Variants in CDH2 observed in about 807,000 individuals in gnomAD.
The protein encoded by CDH2 is cadherin-2.
CDH2 carries 17 observed loss-of-function variants against 92.0 expected under a neutral mutation model. The ratio of observed to expected loss-of-function variants is 0.18; its 90% CI spans 0.13 to 0.28. The LOEUF is 0.28. CDH2 is among the 10% of genes least tolerant of loss of function. The pLI, the probability that CDH2 is intolerant of heterozygous loss-of-function variation, is 1.00. For synonymous variants in CDH2, 419 were observed against 415.9 expected (o/e 1.01, Z -0.09); for missense variants, 862 against 1,133.1 (o/e 0.76, Z 3.44).
At chr18:28,000,920 C>T (rs557093984) in intron 7 of CDH2, among the ~76,000 whole-genome samples, 1 of 152,098 alleles carries the variant, frequency 6.6e-6, no homozygotes, top group Admixed American at 6.5e-5. Flanking sequence ...CAAGTCTGCA[C>T]GAGGCCTGAA....
chr18:28,165,474 G>A (rs2016364316), intron 1 of CDH2, among the ~76,000 whole-genome samples: 1 of 152,130 alleles, frequency 6.6e-6, no homozygotes, highest in Non-Finnish European at 1.5e-5. Context: ...TTACAACTGT[G>A]AGCCATCACA....
At chr18:28,117,181 C>T (rs561640385) in intron 2 of CDH2, among the ~76,000 whole-genome samples, 87 of 152,196 alleles carry the variant, frequency 5.7e-4, no homozygotes, top group African/African-American at 1.9e-3. Context: ...AAGGCATCCA[C>T]TCACATACTT....
At chr18:28,049,886 A>G (rs759388313) in intron 2 of CDH2, among the ~76,000 whole-genome samples, 3 of 152,212 alleles carry the variant, frequency 2.0e-5, no homozygotes, top group Non-Finnish European at 4.4e-5. Context: ...TTCCCATTTC[A>G]TTGATGTTTA....
At chr18:28,007,996 A>G (rs987430252) in intron 5 of CDH2, among the ~76,000 whole-genome samples, 1 of 152,024 alleles carries the variant, frequency 6.6e-6, no homozygotes, top group Admixed American at 6.6e-5. Context: ...GGCCTCCCAA[A>G]TTGCTAGGAT....
At chr18:27,947,918 TAA>T (rs1909316856), downstream of CDH2, among the ~76,000 whole-genome samples, 1 of 151,494 alleles carries the variant, frequency 6.6e-6, no homozygotes, top group Non-Finnish European at 1.5e-5. Context: ...AAAACAGATA[TAA>T]GTGATATAAC....
chr18:28,055,156 G>C (rs896873527), intron 2 of CDH2, among the ~76,000 whole-genome samples: 3 of 152,090 alleles, frequency 2.0e-5, no homozygotes, highest in Non-Finnish European at 2.9e-5. Context: ...GTCTTAAATG[G>C]GGGCAGACAA....
chr18:28,134,266 A>G (rs752187528), intron 2 of CDH2, among the ~76,000 whole-genome samples: 27 of 152,206 alleles, frequency 1.8e-4, no homozygotes, highest in Non-Finnish European at 3.4e-4. Context: ...AAAAAAGAAA[A>G]AAAGAATTTA....
intron 1 of CDH2, among the ~76,000 whole-genome samples, chr18:28,158,389 C>T (rs926197641): frequency 6.6e-6 from 1 of 152,190 alleles, no homozygotes; most frequent in Non-Finnish European, 1.5e-5. Flanking sequence ...GAGCTAATAT[C>T]GTCAGTTCCA....
rs116025250 is a variant in CDH2 at position 28,013,968 on chromosome 18, C to A, written c.173-59G>T. Reference sequence around the variant, plus strand: ...ATTATACCAAAAAGGCAAAAAAAAACCCCTAATACTTAAACCTATATCCTG... The same window carrying A: ...ATTATACCAAAAAGGCAAAAAAAAAACCCTAATACTTAAACCTATATCCTG... On this transcript the variant is annotated intron_variant, in intron 2 of 15. Transcript: ENST00000269141. 2,466 of 1,162,614 alleles carry A rather than the reference C, an allele frequency of 2.1e-3. 46 individuals carry two copies. The African/African-American group carries it at 0.032, about 15-fold the overall frequency. 72.0% of individuals were successfully genotyped at this position (1,162,614 alleles called of 1,614,324 possible).
At chr18:27,998,353 G>T (rs1291032391) in intron 7 of CDH2, among the ~76,000 whole-genome samples, 2 of 152,156 alleles carry the variant, frequency 1.3e-5, no homozygotes, top group Non-Finnish European at 2.9e-5. Context: ...GAGGCAGGTG[G>T]GGTTTTGAAA....
chr18:28,131,653 G>A (rs960561279), intron 2 of CDH2, among the ~76,000 whole-genome samples: 12 of 150,712 alleles, frequency 8.0e-5, no homozygotes, highest in African/African-American at 2.5e-4. Flanking sequence ...AAGGATAAAA[G>A]AGAGAAGATA....
intron 2 of CDH2, among the ~76,000 whole-genome samples, chr18:28,094,872 T>C (rs1051111129): frequency 5.2e-5 from 7 of 134,690 alleles, no homozygotes; most frequent in Non-Finnish European, 1.1e-4. Flanking sequence ...TTCACATTTT[T>C]AAAAAATGAA....
intron 2 of CDH2, among the ~76,000 whole-genome samples, chr18:28,082,816 C>G (rs577858400): frequency 2.0e-5 from 3 of 152,104 alleles, no homozygotes; most frequent in Admixed American, 2.0e-4. Context: ...GCTGTCAATA[C>G]CCACAGACAA....
chr18:28,048,444 G>A (rs1048540329), intron 2 of CDH2, among the ~76,000 whole-genome samples: 3 of 152,114 alleles, frequency 2.0e-5, no homozygotes, highest in African/African-American at 7.2e-5. Flanking sequence ...AAACAACTCT[G>A]CAAAAATGTA....
chr18:27,999,728 G>A (rs481860), intron 7 of CDH2, among the ~76,000 whole-genome samples: 2,166 of 150,900 alleles, frequency 0.014, 65 homozygotes, highest in African/African-American at 0.051. Flanking sequence ...GTGTGTTTGT[G>A]TATATATATA....
intron 1 of CDH2, among the ~76,000 whole-genome samples, chr18:28,171,855 C>T (rs752640929): frequency 5.9e-5 from 9 of 152,080 alleles, no homozygotes; most frequent in Admixed American, 2.0e-4. Flanking sequence ...TACATCTGGA[C>T]GAAATCAGAA....
At chr18:27,968,023 C>G (rs961274649) in intron 14 of CDH2, among the ~76,000 whole-genome samples, 1 of 152,206 alleles carries the variant, frequency 6.6e-6, no homozygotes, top group Admixed American at 6.5e-5. Context: ...AACACTCACT[C>G]ATTTACCATT....
chr18:28,045,672 C>G (rs1252953147), intron 2 of CDH2: 3 of 274,528 alleles, frequency 1.1e-5, no homozygotes, highest in Admixed American at 1.0e-4. Flanking sequence ...AAAGCCCTCC[C>G]CCACATGTGT....
intron 2 of CDH2, among the ~76,000 whole-genome samples, chr18:28,127,604 C>T (rs1173478716): frequency 6.6e-6 from 1 of 152,066 alleles, no homozygotes; most frequent in East Asian, 1.9e-4. Flanking sequence ...AGCACCAAGG[C>T]TGATTACAAT....
Sources: allele counts gnomAD v4.1 joint callset (sites outside exome capture counted in the v4.1 genomes callset), GRCh38; gene constraint gnomAD v4.1.1; transcripts MANE v1.5; gene names NCBI Gene and HGNC (gene_info 2026-07-23, HGNC 2026-07-21).